Variants in RICTOR observed in about 807,000 individuals in gnomAD.
The protein encoded by RICTOR is RPTOR independent companion of MTOR complex 2, also known as rapamycin-insensitive companion of mTOR.
Under a neutral mutation model 214.9 loss-of-function variants are expected in RICTOR, and 49 were observed. The observed-to-expected ratio is 0.23, with a 90% CI of 0.18 to 0.29. RICTOR has a LOEUF of 0.29. Among genes scored for constraint, RICTOR ranks in the 10% least tolerant of loss-of-function variants. The pLI, the probability that RICTOR is intolerant of heterozygous loss-of-function variation, is 1.00. For missense variants in RICTOR, 1,625 were observed against 2,047.0 expected (o/e 0.79, Z 3.98); for synonymous variants, 717 against 711.3 (o/e 1.01, Z -0.13).
chr5:39,019,460 T>C (rs1331615989), intron 3 of RICTOR, among the ~76,000 whole-genome samples: 2 of 152,130 alleles, frequency 1.3e-5, no homozygotes, highest in South Asian at 4.1e-4. Context: ...ATTCTGAAAA[T>C]CCTAGAGATC....
rs114727785 is a variant in RICTOR, at chr5:38,966,465, G to A, written c.1299+176C>T. Among the ~76,000 whole-genome samples the A allele has an allele frequency of 5.4e-3, 823 of 152,334 alleles. 9 individuals are homozygous for A. Among genetic ancestry groups the A allele is most frequent in the African/African-American group, 0.019 (781 of 41,580 alleles). On this transcript the variant is annotated intron_variant, in intron 15 of 37. Coordinates refer to ENST00000357387, the MANE Select transcript of RICTOR (RefSeq NM_152756.5). Reference sequence around the variant, plus strand: ...TGCATGTGCATGCGCATGCGCGCACGTACATATCTATCTCAGGATACAGTA... The same window carrying A: ...TGCATGTGCATGCGCATGCGCGCACATACATATCTATCTCAGGATACAGTA...
intron 3 of RICTOR, among the ~76,000 whole-genome samples, chr5:39,008,737 C>A (rs1417738223): frequency 6.6e-6 from 1 of 151,592 alleles, no homozygotes; most frequent in African/African-American, 2.4e-5. Context: ...AAAAACTGCC[C>A]ATTTCAAAGA....
chr5:39,058,072 A>G (rs1462939745), intron 2 of RICTOR, among the ~76,000 whole-genome samples: 1 of 152,030 alleles, frequency 6.6e-6, no homozygotes, highest in Non-Finnish European at 1.5e-5. Context: ...TATTTAATCA[A>G]TTTCCTACAA....
At chr5:39,024,910 A>G (rs1755695062) in intron 2 of RICTOR, among the ~76,000 whole-genome samples, 1 of 152,230 alleles carries the variant, frequency 6.6e-6, no homozygotes. Context: ...CTGAATGGCT[A>G]TTATGATCAG....
intron 2 of RICTOR, among the ~76,000 whole-genome samples, chr5:39,041,599 G>T (rs1757171063): frequency 6.6e-6 from 1 of 152,046 alleles, no homozygotes; most frequent in South Asian, 2.1e-4. Context: ...ATGGAAAAAA[G>T]ATAGAGGGCA....
intron 5 of RICTOR, among the ~76,000 whole-genome samples, chr5:38,997,440 T>G (rs1193712713): frequency 6.6e-6 from 1 of 152,168 alleles, no homozygotes; most frequent in Non-Finnish European, 1.5e-5. Context: ...TTGAAAGTCT[T>G]TTATGTAGAA....
chr5:39,030,412 T>C (rs548838159), intron 2 of RICTOR, among the ~76,000 whole-genome samples: 138 of 152,270 alleles, frequency 9.1e-4, no homozygotes, highest in Non-Finnish European at 1.3e-3. Context: ...CCCAACATCT[T>C]ACGGTCACTT....
At chr5:39,011,280 G>T (rs577134280) in intron 3 of RICTOR, among the ~76,000 whole-genome samples, 1 of 152,314 alleles carries the variant, frequency 6.6e-6, no homozygotes, top group South Asian at 2.1e-4. Flanking sequence ...CAGAAGTCAA[G>T]AATTGAGGTT....
chr5:39,062,240 A>G (rs1408818596), intron 2 of RICTOR, among the ~76,000 whole-genome samples: 2 of 152,232 alleles, frequency 1.3e-5, no homozygotes, highest in Admixed American at 6.5e-5. Flanking sequence ...TTAAAAACTT[A>G]TAACACATAC....
intron 3 of RICTOR, among the ~76,000 whole-genome samples, chr5:39,010,508 G>T (rs1007915579): frequency 3.9e-5 from 6 of 152,152 alleles, no homozygotes; most frequent in African/African-American, 1.2e-4. Context: ...ACAGTTAGAG[G>T]GCTCAGAAGA....
intron 2 of RICTOR, among the ~76,000 whole-genome samples, chr5:39,068,942 G>C (rs1295198614): frequency 1.3e-5 from 2 of 152,162 alleles, no homozygotes; most frequent in Non-Finnish European, 2.9e-5. Flanking sequence ...TGTGACACTG[G>C]TTAAGTTACC....
chr5:38,948,645 T>C (rs1477619214), intron 31 of RICTOR, among the ~76,000 whole-genome samples: 1 of 152,120 alleles, frequency 6.6e-6, no homozygotes, highest in African/African-American at 2.4e-5. Context: ...TTAGGAATGT[T>C]CAAAATTCAT....
chr5:38,989,580 GA>G, intron 7 of RICTOR, among the ~76,000 whole-genome samples: 1 of 151,824 alleles, frequency 6.6e-6, no homozygotes, highest in Admixed American at 6.6e-5. Context: ...TACAGAATGG[GA>G]AAAAAATTTT....
In RICTOR at chr5:38,940,287, T is replaced by C. The variant is rs1178935052; in HGVS notation, c.*2017A>G. 2 of 231,914 alleles carry C rather than the reference T, an allele frequency of 8.6e-6. No homozygotes were observed. The highest frequency in any genetic ancestry group is 5.6e-5 in the Admixed American group (1 of 17,724). The allele number at this position is 231,914 out of a possible 1,614,324, so 14.4% of individuals were successfully genotyped here. On this transcript the variant is annotated 3_prime_UTR_variant, in exon 38 of 38. Coordinates refer to ENST00000357387, the MANE Select transcript of RICTOR (RefSeq NM_152756.5). ...ACAAAAAAAAAATTACTGTTAACTT[T>C]TGAGGGATTAAACCACAGATTTTTA... is the stretch of plus-strand genomic sequence containing the variant.
At chr5:38,991,450 C>T (rs1752770078) in intron 6 of RICTOR, among the ~76,000 whole-genome samples, 1 of 152,014 alleles carries the variant, frequency 6.6e-6, no homozygotes. Flanking sequence ...CTTTTACGAT[C>T]CTGACCAACT....
In RICTOR at chr5:38,950,577, T is replaced by C. The variant is rs762871831; in HGVS notation, c.3271A>G (p.Ser1091Gly). 4 of 1,613,336 alleles carry C rather than the reference T, an allele frequency of 2.5e-6. No homozygotes were observed. Among genetic ancestry groups the C allele is most frequent in the African/African-American group, 2.7e-5 (2 of 74,980 alleles). The change falls in exon 31 of 38, where the codon AGT (serine) becomes GGT (glycine). Residue 1091 changes from serine (S) to glycine (G), a missense_variant. Ser to Gly is a moderately conservative substitution (Grantham distance 56). Transcript: ENST00000357387. ...AAGATACGATTCTTCACAAGTTTAC[T>C]AGAAGCAAAGAAAGGGAATGAATTT... ...DKNSFPFFAS[S>G]KLVKNRILNS...
chr5:38,990,613 AT>A lies in RICTOR; in HGVS notation c.583+335del, dbSNP rs1425085274. 2.5e-5 allele frequency among the ~76,000 whole-genome samples: 3 copies of A among 118,338 alleles called. No individual in the cohort carries two copies. In the Admixed American group the frequency reaches 2.7e-4, roughly 11 times the overall value. 77.6% of individuals were successfully genotyped at this position (118,338 alleles called of 152,430 possible). ...GATATATACGATATATATGATATAT[AT>A]ACGATATATGATATATATATCTGAC... is the stretch of plus-strand genomic sequence containing the variant. On this transcript the variant is annotated intron_variant, in intron 7 of 37. Coordinates refer to ENST00000357387, the MANE Select transcript of RICTOR (RefSeq NM_152756.5).
rs1481400456 is a variant in RICTOR at position 38,982,101 on chromosome 5, CT to C, written c.584-66del. On this transcript the variant is annotated intron_variant, in intron 7 of 37. Coordinates refer to ENST00000357387, the MANE Select transcript of RICTOR (RefSeq NM_152756.5). ...TATTAAAAGTAATAAAAAATCTAGG[CT>C]TTAAAACTTAATTGCCTTTCTGACT... The C allele has an allele frequency of 9.2e-6, 11 of 1,201,104 alleles. No homozygotes were observed. The African/African-American group carries it at 1.7e-4, about 19-fold the overall frequency. 74.4% of individuals were successfully genotyped at this position (1,201,104 alleles called of 1,614,324 possible).
intron 7 of RICTOR, among the ~76,000 whole-genome samples, chr5:38,985,097 C>T (rs1461685523): frequency 1.3e-5 from 2 of 152,184 alleles, no homozygotes; most frequent in African/African-American, 4.8e-5. Context: ...AGGCGTGAGC[C>T]ACCATGCCCA....
Sources: allele counts gnomAD v4.1 joint callset (sites outside exome capture counted in the v4.1 genomes callset), GRCh38; gene constraint gnomAD v4.1.1; transcripts MANE v1.5; gene names NCBI Gene and HGNC (gene_info 2026-07-23, HGNC 2026-07-21).